The following ANKRD18B variants were observed in gnomAD, a reference collection of about 807,000 sequenced individuals.
ANKRD18B encodes ankyrin repeat domain-containing protein 18B.
ANKRD18B carries 75 observed loss-of-function variants against 111.8 expected under a neutral mutation model. That is an observed-to-expected ratio of 0.67 (90% CI 0.56 to 0.81). ANKRD18B has a LOEUF of 0.81. Ranked by LOEUF, ANKRD18B falls within the 40% of genes least tolerant of loss-of-function variation. ANKRD18B has a pLI of 0.00. For missense variants in ANKRD18B, 1,038 were observed against 1,225.5 expected, an observed-to-expected ratio of 0.85 and a Z score of 2.28; for synonymous variants, 356 against 417.3, an observed-to-expected ratio of 0.85 and a Z score of 1.79.
chr9:33,542,377 C>A (rs867873179), intron 9 of ANKRD18B, among the ~76,000 whole-genome samples: 4 of 137,328 alleles, frequency 2.9e-5, no homozygotes, highest in Non-Finnish European at 4.7e-5. Flanking sequence ...GCCTTTTTTC[C>A]TTTTTTTTTT....
At chr9:33,547,687 T>A (rs1405334405) in intron 10 of ANKRD18B, among the ~76,000 whole-genome samples, 4 of 41,058 alleles carry the variant, frequency 9.7e-5, no homozygotes, top group African/African-American at 1.9e-4. Flanking sequence ...CTAGAGTGTG[T>A]GTGTGTGTGT....
In ANKRD18B at chr9:33,548,229, C is replaced by T; in HGVS notation, c.1441C>T (p.His481Tyr). The T allele has an allele frequency of 6.4e-7, 1 of 1,550,948 alleles. No homozygotes were observed. Among genetic ancestry groups the T allele is most frequent in the Admixed American group, 2.0e-5 (1 of 50,920 alleles). The stretch of plus-strand genomic sequence containing the variant: ...GAATTCAAAATTGGAGAAGGAAAAA[C>T]ACAACAAAGAAAGACTAGAAGCTGA... ...RLNSKLEKEK[H>Y]NKERLEAEVE... The change falls in exon 11 of 19, where the codon CAC (histidine) becomes TAC (tyrosine). Residue 481 changes from histidine (H) to tyrosine (Y), a missense_variant. By Grantham distance (83) the His-to-Tyr change is moderately conservative. Around this residue, in one of 4 missense-constraint regions of ANKRD18B, gnomAD observed 205 missense variants for 201.3 expected, o/e 1.02. Coordinates refer to ENST00000684830, the MANE Select transcript of ANKRD18B (RefSeq NM_001393611.1).
At chr9:33,571,132 G>A (rs1828769499) in intron 17 of ANKRD18B, 114 bp from the exon 18 acceptor site, 1 of 224,382 alleles carries the variant, frequency 4.5e-6, no homozygotes, top group Admixed American at 6.1e-5. Context: ...TTCATGTTAT[G>A]TCTAGTCACT....
At chr9:33,553,034 T>C (rs1363592266) in intron 12 of ANKRD18B, among the ~76,000 whole-genome samples, 1 of 151,544 alleles carries the variant, frequency 6.6e-6, no homozygotes, top group Non-Finnish European at 1.5e-5. Flanking sequence ...CCAGCCCTTC[T>C]GGCTTCTGTG....
intron 18 of ANKRD18B, 131 bp from the exon 19 acceptor site, chr9:33,572,185 A>G: frequency 1.5e-6 from 1 of 689,466 alleles, no homozygotes; most frequent in South Asian, 1.8e-5. Flanking sequence ...GTAATCTTGT[A>G]TTGTAATTGC....
rs1563901902 is a variant in ANKRD18B at position 33,541,183 on chromosome 9, GAAAAAAAAGA to G, written c.1041_1050del (p.Lys347AsnfsTer2). On this transcript the variant is annotated frameshift_variant, in exon 9 of 19. Transcript: ENST00000684830. LOFTEE classifies it high-confidence loss of function. ...ATGAAGCCTGAAAATTTGAAAAAAA[GAAAAAAAAGA>G]AAAAAATTGAAAAAAAGAAAAGAAG... 4 of 1,536,300 alleles carry G rather than the reference GAAAAAAAAGA, an allele frequency of 2.6e-6. No homozygotes were observed. The highest frequency in any genetic ancestry group is 4.9e-5 in the East Asian group (2 of 40,752).
intron 6 of ANKRD18B, among the ~76,000 whole-genome samples, chr9:33,537,343 A>G (rs1828216330): frequency 6.6e-6 from 1 of 152,096 alleles, no homozygotes; most frequent in Non-Finnish European, 1.5e-5. Flanking sequence ...ATCATAAAAG[A>G]GCAGTTTAAA....
Position 33,548,651 on chromosome 9 carries a change from A to G in ANKRD18B, c.1863A>G (p.Glu621=). ...NSSEERIRQR[E]LENLLLERQL... ...CAGAGGAGAGAATACGTCAACGAGA[A>G]CTTGAAAATCTCTTGCTTGAACGAC... The change falls in exon 11 of 19, where the codon GAA becomes GAG. Residue 621 remains glutamate, a synonymous_variant. Coordinates refer to ENST00000684830, the MANE Select transcript of ANKRD18B (RefSeq NM_001393611.1). 6.4e-7 allele frequency: 1 copy of G among 1,551,308 alleles called. No homozygotes were observed. Among genetic ancestry groups the G allele is most frequent in the Non-Finnish European group, 8.7e-7 (1 of 1,146,672 alleles).
At chr9:33,527,206 G>A (rs1386778395) in intron 1 of ANKRD18B, among the ~76,000 whole-genome samples, 3 of 152,078 alleles carry the variant, frequency 2.0e-5, no homozygotes, top group Non-Finnish European at 4.4e-5. Flanking sequence ...ATTAATCATT[G>A]GAAAGTCTGA....
intron 5 of ANKRD18B, among the ~76,000 whole-genome samples, chr9:33,535,503 G>A (rs1307459222): frequency 6.6e-6 from 1 of 151,596 alleles, no homozygotes; most frequent in Non-Finnish European, 1.5e-5. Context: ...TAGCCAGGAT[G>A]GTCTCGATCT....
intron 14 of ANKRD18B, among the ~76,000 whole-genome samples, chr9:33,565,693 A>G (rs909934862): frequency 5.9e-5 from 9 of 151,896 alleles, no homozygotes; most frequent in African/African-American, 2.2e-4. Flanking sequence ...GGCTGATCTC[A>G]AATTCCTGGC....
chr9:33,573,330 A>G (rs1348079626), downstream of ANKRD18B: 2 of 979,342 alleles, frequency 2.0e-6, no homozygotes, highest in African/African-American at 3.5e-5. Flanking sequence ...GTCTGGGGAC[A>G]GTCCTCATGT....
chr9:33,552,093 G>C (rs1389937661), intron 12 of ANKRD18B, among the ~76,000 whole-genome samples: 3 of 152,144 alleles, frequency 2.0e-5, no homozygotes, highest in African/African-American at 7.2e-5. Context: ...ATTTTAGCTT[G>C]GCAGCTTTTA....
In ANKRD18B at chr9:33,543,210, G is replaced by C. The variant is rs1179366973; in HGVS notation, c.1104G>C (p.Glu368Asp). The C allele has an allele frequency of 2.6e-6, 4 of 1,552,756 alleles. No individual in the cohort carries two copies. Among genetic ancestry groups the C allele is most frequent in the African/African-American group, 2.7e-5 (2 of 73,062 alleles). Residue 368 changes from glutamate to aspartate, a missense_variant, in exon 10 of 19, where the codon GAG becomes GAC. This residue lies in a region of ANKRD18B where 205 missense variants were observed against 201.3 expected (regional missense o/e 1.02). Transcript: ENST00000684830. ...AACACAACTTAAAAGTGGCTTCAGAGGAAAAGCAAGAAAGGCTTGAAAGAA... is the reference window on the plus strand; with the variant it reads ...AACACAACTTAAAAGTGGCTTCAGACGAAAAGCAAGAAAGGCTTGAAAGAA... Reference protein sequence around the residue: ...AKEHNLKVASEEKQERLERSE... With the variant: ...AKEHNLKVASDEKQERLERSE...
At position 33,548,847 on chromosome 9, in the gene ANKRD18B, GA is replaced by G. The variant is rs1828405928; in HGVS notation, c.2062del (p.Arg688GlufsTer3). ...KLLQYEKEKAEREVIVREFQE... is the reference protein window; with the variant it reads ...KLLQYEKEKAXREVIVREFQE... ...GCTTCAGTATGAAAAAGAAAAAGCA[GA>G]AAGAGAAGTAAGTATGAAGAAAACT... On this transcript the variant is annotated frameshift_variant, in exon 11 of 19. Coordinates refer to ENST00000684830, the MANE Select transcript of ANKRD18B (RefSeq NM_001393611.1). LOFTEE classifies it high-confidence loss of function. 1 of 1,483,990 alleles carries G rather than the reference GA, an allele frequency of 6.7e-7. No individual in the cohort carries two copies. Among genetic ancestry groups the G allele is most frequent in the Non-Finnish European group, 8.9e-7 (1 of 1,120,070 alleles). The allele number at this position is 1,483,990 out of a possible 1,614,324, so 91.9% of individuals were successfully genotyped here.
At chr9:33,572,095 T>G (rs1828788751) in intron 18 of ANKRD18B, 1 of 541,784 alleles carries the variant, frequency 1.8e-6, no homozygotes, top group African/African-American at 1.9e-5. Context: ...CACGTGGCTG[T>G]TGAGTGCATG....
At chr9:33,547,743 T>G (rs1159934116) in intron 10 of ANKRD18B, among the ~76,000 whole-genome samples, 195 bp from the exon 11 acceptor site, 4 of 151,294 alleles carry the variant, frequency 2.6e-5, no homozygotes, top group Non-Finnish European at 5.9e-5. Flanking sequence ...ATTCATTGAC[T>G]TCAAATACAT....
intron 12 of ANKRD18B, among the ~76,000 whole-genome samples, chr9:33,553,260 T>C (rs1027323260): frequency 1.3e-5 from 2 of 151,432 alleles, no homozygotes; most frequent in African/African-American, 4.9e-5. Flanking sequence ...CCCAGCTACG[T>C]TGGAGGCTGT....
In ANKRD18B at chr9:33,524,473, T is replaced by C. The variant is rs1205319083; in HGVS notation, c.-17T>C. On this transcript the variant is annotated 5_prime_UTR_variant, in exon 1 of 19. Transcript: ENST00000684830. ...GCGTCTCAGGAGCGGGTGGTGGGCATCTGAGAAGTCGCCACCATGAGGAAG... is the reference window on the plus strand; with the variant it reads ...GCGTCTCAGGAGCGGGTGGTGGGCACCTGAGAAGTCGCCACCATGAGGAAG... 2 of 1,538,754 alleles carry C rather than the reference T, an allele frequency of 1.3e-6. No individual in the cohort carries two copies. Among genetic ancestry groups the C allele is most frequent in the Non-Finnish European group, 1.8e-6 (2 of 1,141,256 alleles).
Sources: gnomAD v4.1 joint callset for allele counts (sites outside exome capture counted in the v4.1 genomes callset) on GRCh38, gnomAD v4.1.1 for gene constraint, gnomAD v4.1.1 regional missense constraint, MANE v1.5 for transcripts, NCBI Gene and HGNC (gene_info 2026-07-23, HGNC 2026-07-21) for gene names.